The following CRB1 variants were observed in gnomAD, a reference collection of about 807,000 sequenced individuals.
The protein encoded by CRB1 is crumbs cell polarity complex component 1.
Under a neutral mutation model 120.0 loss-of-function variants are expected in CRB1, and 83 were observed. That is an observed-to-expected ratio of 0.69 (90% CI 0.58 to 0.83). The LOEUF is 0.83. CRB1 is among the 40% of genes least tolerant of loss of function. The probability of loss-of-function intolerance (pLI) is 0.00; values close to 1 mark genes in which losing one functional copy is unlikely to be tolerated. For synonymous variants in CRB1, 625 were observed against 612.5 expected (o/e 1.02, Z -0.30); for missense variants, 1,699 against 1,687.6 (o/e 1.01, Z -0.12).
chr1:197,368,508 T>A (rs1226850630), intron 5 of CRB1, among the ~76,000 whole-genome samples: 2 of 152,206 alleles, frequency 1.3e-5, no homozygotes, highest in Non-Finnish European at 2.9e-5. Flanking sequence ...TATACATACA[T>A]TAATTTAAAA....
chr1:197,407,518 C>A (rs1015171260), intron 5 of CRB1, among the ~76,000 whole-genome samples: 2 of 152,122 alleles, frequency 1.3e-5, no homozygotes, highest in Non-Finnish European at 2.9e-5. Context: ...TTATTTCCTG[C>A]GATCAGAGCT....
At chr1:197,282,524 C>T (rs768993385) in intron 1 of CRB1, among the ~76,000 whole-genome samples, 1 of 151,724 alleles carries the variant, frequency 6.6e-6, no homozygotes, top group Non-Finnish European at 1.5e-5. Context: ...TGTTATTAAC[C>T]AAATTTGCAC....
intron 5 of CRB1, chr1:197,357,464 C>A: frequency 5.3e-6 from 1 of 187,992 alleles, no homozygotes; most frequent in Non-Finnish European, 1.1e-5. Flanking sequence ...TTCCACATAT[C>A]AAATTTAAAT....
At chr1:197,264,780 C>G (rs1654595060), upstream of CRB1, among the ~76,000 whole-genome samples, 2 of 151,868 alleles carry the variant, frequency 1.3e-5, 1 homozygote, top group South Asian at 4.2e-4. Flanking sequence ...TGCCACCATG[C>G]CCGGCTAACT....
chr1:197,329,767 G>T (rs2125306027), intron 2 of CRB1, among the ~76,000 whole-genome samples: 2 of 152,192 alleles, frequency 1.3e-5, no homozygotes, highest in South Asian at 4.1e-4. Context: ...CCATTTACTT[G>T]TAAGGGGGTA....
chr1:197,223,242 T>C, the CRB1 span: 10 of 1,062,084 alleles, frequency 9.4e-6, no homozygotes, highest in African/African-American at 1.4e-4. Flanking sequence ...AACCAGAAGA[T>C]TCGAATAGAT....
intron 3 of CRB1, 103 bp from the exon 4 acceptor site, chr1:197,347,237 G>C: frequency 9.9e-7 from 1 of 1,013,220 alleles, no homozygotes; most frequent in Non-Finnish European, 1.6e-6. Context: ...GTAGTAAGAT[G>C]ATGCCATGGG....
At chr1:197,226,303 T>A in the CRB1 span, among the ~76,000 whole-genome samples, 2 of 152,228 alleles carry the variant, frequency 1.3e-5, no homozygotes, top group Non-Finnish European at 2.9e-5. Flanking sequence ...TGCTTATTTT[T>A]TACCTCATAA....
At chr1:197,306,229 T>G (rs1185865158) in intron 1 of CRB1, among the ~76,000 whole-genome samples, 1 of 152,126 alleles carries the variant, frequency 6.6e-6, no homozygotes, top group Non-Finnish European at 1.5e-5. Context: ...TATAGCAAGC[T>G]GTAAAGTCCA....
chr1:197,431,211 A>G (rs948504735), intron 8 of CRB1, among the ~76,000 whole-genome samples: 8 of 152,120 alleles, frequency 5.3e-5, no homozygotes, highest in Non-Finnish European at 1.2e-4. Context: ...AGAAAAATGA[A>G]TTTACTTTTA....
chr1:197,385,940 A>G (rs141954877), intron 5 of CRB1, among the ~76,000 whole-genome samples: 110 of 152,222 alleles, frequency 7.2e-4, no homozygotes, highest in African/African-American at 2.6e-3. Flanking sequence ...GTTAGATTCA[A>G]TTACCTTGAA....
rs535392030 is a variant in CRB1, at chr1:197,324,303, C to A, written c.71-4119C>A. On this transcript the variant is annotated intron_variant, in intron 1 of 11. Transcript: ENST00000367400. ...TATTATATAGTTTCATTTTCTTGAA[C>A]TTATTCATTTGTTAAATATGCATTT... is the stretch of plus-strand genomic sequence containing the variant. 2.0e-5 allele frequency among the ~76,000 whole-genome samples: 3 copies of A among 152,282 alleles called. No homozygotes were observed. The East Asian group carries it at 5.8e-4, about 29-fold the overall frequency.
At chr1:197,428,882 TA>T in intron 7 of CRB1, 2 of 1,330,180 alleles carry the variant, frequency 1.5e-6, no homozygotes, top group Non-Finnish European at 2.0e-6. Flanking sequence ...GTTCATGCTC[TA>T]ATAAATTTCT....
intron 1 of CRB1, among the ~76,000 whole-genome samples, chr1:197,288,691 A>G (rs2125233129): frequency 6.6e-6 from 1 of 152,040 alleles, no homozygotes. Flanking sequence ...ATAAGACGAA[A>G]AGTACGTTGG....
intron 1 of CRB1, among the ~76,000 whole-genome samples, chr1:197,312,416 AC>A (rs773797698): frequency 3.9e-5 from 6 of 152,046 alleles, no homozygotes; most frequent in African/African-American, 7.2e-5. Flanking sequence ...ATACAAAAAA[AC>A]AAAACAAACA....
chr1:197,329,548 T>C (rs1658732380), intron 2 of CRB1, among the ~76,000 whole-genome samples: 1 of 152,270 alleles, frequency 6.6e-6, no homozygotes, highest in African/African-American at 2.4e-5. Context: ...CTCATATTTA[T>C]CTATCTATTC....
At chr1:197,418,718 G>T (rs1338832484) in intron 5 of CRB1, among the ~76,000 whole-genome samples, 2 of 152,070 alleles carry the variant, frequency 1.3e-5, no homozygotes, top group Non-Finnish European at 2.9e-5. Flanking sequence ...CTTTAGGAAG[G>T]TCATGATGAA....
intron 5 of CRB1, among the ~76,000 whole-genome samples, chr1:197,361,778 A>T (rs1660783224): frequency 6.6e-6 from 1 of 151,794 alleles, no homozygotes; most frequent in African/African-American, 2.4e-5. Flanking sequence ...TTAAAAAAAT[A>T]GCTTTTGGTT....
In CRB1 at chr1:197,453,551, C is replaced by T. The variant is rs6666570; in HGVS notation, c.4005+11259C>T. On this transcript the variant is annotated intron_variant, in intron 11 of 11. Transcript: ENST00000367400. Reference sequence around the variant, plus strand: ...ATATATATATATATAGAGAGAGAGACAGAGAGAGAGAGAGAGAGGGAGAGG... The same window carrying T: ...ATATATATATATATAGAGAGAGAGATAGAGAGAGAGAGAGAGAGGGAGAGG... 5.0e-3 allele frequency among the ~76,000 whole-genome samples: 423 copies of T among 83,936 alleles called. 3 individuals carry two copies. The highest frequency in any genetic ancestry group is 0.023 in the South Asian group (59 of 2,592). 55.1% of individuals were successfully genotyped at this position (83,936 alleles called of 152,430 possible). A position where few individuals can be genotyped will look rare whatever the true frequency, so the allele number is the denominator to read the frequency against.
Sources: gnomAD v4.1 joint callset for allele counts (sites outside exome capture counted in the v4.1 genomes callset) on GRCh38, gnomAD v4.1.1 for gene constraint, MANE v1.5 for transcripts, NCBI Gene and HGNC (gene_info 2026-07-23, HGNC 2026-07-21) for gene names.